The following POF1B variants were observed in gnomAD, a reference collection of about 807,000 sequenced individuals.
POF1B encodes the protein POF1B actin binding protein, also known as protein POF1B.
In POF1B, 53 loss-of-function variants were observed where a neutral mutation model predicts 55.3. The ratio of observed to expected loss-of-function variants is 0.96; its 90% confidence interval spans 0.77 to 1.20. The LOEUF is 1.20. Among genes scored for constraint, POF1B ranks in the 50% most tolerant of loss-of-function variants. The pLI is 0.00. For synonymous variants in POF1B, 188 were observed against 148.3 expected (o/e 1.27, Z -1.95); for missense variants, 478 against 420.5 (o/e 1.14, Z -1.20).
chrX:85,287,500 A>G (rs1388479745), intron 15 of POF1B, among the ~76,000 whole-genome samples: 3 of 111,565 alleles, frequency 2.7e-5, no homozygotes, highest in Non-Finnish European at 1.9e-5. Flanking sequence ...GATGAAATGC[A>G]CAAATTCTTC....
At chrX:85,372,241 G>A (rs1327742890) in intron 2 of POF1B, among the ~76,000 whole-genome samples, 1 of 108,851 alleles carries the variant, frequency 9.2e-6, no homozygotes, top group East Asian at 2.9e-4. Flanking sequence ...CTACTCAGGA[G>A]GCTGAGGCAG....
At position 85,305,848 on chromosome X, in the gene POF1B, G is replaced by A; in HGVS notation, c.1380C>T (p.Tyr460=). The stretch of plus-strand genomic sequence containing the variant: ...TTCTCAAGTTTTTTACCATCTCCGT[G>A]TAGTGGTTGCCAATCTCATCCATTT... The part of the protein sequence containing the change: ...QAKMDEIGNH[Y]TEMVKNLRME... The change falls in exon 13 of 17, where the codon TAC becomes TAT. Residue 460 remains tyrosine (Y), a synonymous_variant. Transcript: ENST00000262753. 8.3e-7 allele frequency: 1 copy of A among 1,209,701 alleles called. No homozygotes were observed. The highest frequency in any genetic ancestry group is 1.1e-6 in the Non-Finnish European group (1 of 894,023).
chrX:85,280,211 G>A (rs111841715), intron 16 of POF1B, among the ~76,000 whole-genome samples: 4,084 of 111,126 alleles, frequency 0.037, 193 homozygotes, highest in African/African-American at 0.13. Context: ...AAATATTTGA[G>A]CTTGTTCAAC....
At chrX:85,371,545 TCAG>T (rs1443130401) in intron 2 of POF1B, among the ~76,000 whole-genome samples, 1 of 111,472 alleles carries the variant, frequency 9.0e-6, no homozygotes, top group Non-Finnish European at 1.9e-5. Context: ...GAATTCCAAC[TCAG>T]CATGACTCCA....
At chrX:85,357,652 G>A (rs1369915817) in intron 4 of POF1B, among the ~76,000 whole-genome samples, 1 of 110,776 alleles carries the variant, frequency 9.0e-6, no homozygotes, top group Non-Finnish European at 1.9e-5. Flanking sequence ...CTGTTATGGT[G>A]TGTTCACATC....
intron 15 of POF1B, among the ~76,000 whole-genome samples, chrX:85,286,553 C>A (rs1932059449): frequency 9.0e-6 from 1 of 111,136 alleles, no homozygotes; most frequent in Non-Finnish European, 1.9e-5. Context: ...CCATACAATC[C>A]TTAACACTTT....
chrX:85,290,425 C>A (rs1254263075), intron 15 of POF1B, among the ~76,000 whole-genome samples: 2 of 111,307 alleles, frequency 1.8e-5, no homozygotes, highest in East Asian at 2.8e-4. Context: ...CATGCAGGTG[C>A]ATGTGTCTTT....
At chrX:85,309,792 G>C (rs755681821) in intron 9 of POF1B, among the ~76,000 whole-genome samples, 1 of 111,794 alleles carries the variant, frequency 8.9e-6, no homozygotes, top group Non-Finnish European at 1.9e-5. Context: ...CCCTTGTCAG[G>C]CTCTAGGGAG....
chrX:85,277,706 A>C lies in POF1B; in HGVS notation c.*1715T>G, dbSNP rs1265056534. 1 of 110,321 alleles carries C rather than the reference A, an allele frequency of 9.1e-6. No individual in the cohort carries two copies. The highest frequency in any genetic ancestry group is 3.3e-5 in the African/African-American group (1 of 30,467). The allele number at this position is 110,321 out of a possible 1,213,427, so 9.1% of individuals were successfully genotyped here. A position where few individuals can be genotyped will look rare whatever the true frequency, so the allele number is the denominator to read the frequency against. On this transcript the variant is annotated 3_prime_UTR_variant, in exon 17 of 17. Coordinates refer to ENST00000262753, the MANE Select transcript of POF1B (RefSeq NM_024921.4). ...TGTCTGTTTCTGGCTTATGTCACTT[A>C]ATATAGTGACCTCTAGTTCCATCCA...
chrX:85,279,170 T>A lies in POF1B; in HGVS notation c.*251A>T. ...GTGTCTGCAATCAAACTTTAAACAA[T>A]CAGGTCCCTCTTTCAGTTAGTATGT... On this transcript the variant is annotated 3_prime_UTR_variant, in exon 17 of 17. Transcript: ENST00000262753. 3.5e-6 allele frequency: 1 copy of A among 286,117 alleles called. No individual in the cohort carries two copies. Among genetic ancestry groups the A allele is most frequent in the Admixed American group, 5.7e-5 (1 of 17,422 alleles). 23.6% of individuals were successfully genotyped at this position (286,117 alleles called of 1,213,427 possible). A position where few individuals can be genotyped will look rare whatever the true frequency, so the allele number is the denominator to read the frequency against.
At chrX:85,284,537 C>A (rs1931992487) in intron 15 of POF1B, among the ~76,000 whole-genome samples, 1 of 111,632 alleles carries the variant, frequency 9.0e-6, no homozygotes, top group African/African-American at 3.3e-5. Flanking sequence ...ACAAATCTGA[C>A]AAAAACAATA....
chrX:85,284,688 A>G (rs1932000426), intron 15 of POF1B, among the ~76,000 whole-genome samples: 1 of 111,834 alleles, frequency 8.9e-6, no homozygotes, highest in African/African-American at 3.3e-5. Flanking sequence ...TGTTAGACCT[A>G]AAACCATAAA....
rs1171038262 is a variant in POF1B at position 85,314,376 on chromosome X, C to T, written c.957+56G>A. ...TCTGTTCTTAATTAAGGGAAGCAAC[C>T]TAGGAAGCTGTTTGTTAGTGTTGAT... On this transcript the variant is annotated intron_variant, in intron 9 of 16. Transcript: ENST00000262753. 4 of 943,623 alleles carry T rather than the reference C, an allele frequency of 4.2e-6. No individual in the cohort carries two copies. In the African/African-American group the frequency reaches 8.2e-5, roughly 19 times the overall value. 77.8% of individuals were successfully genotyped at this position (943,623 alleles called of 1,213,427 possible). A position where few individuals can be genotyped will look rare whatever the true frequency, so the allele number is the denominator to read the frequency against.
intron 15 of POF1B, among the ~76,000 whole-genome samples, chrX:85,288,676 A>G (rs1288176429): frequency 9.1e-6 from 1 of 110,371 alleles, no homozygotes; most frequent in Non-Finnish European, 1.9e-5. Flanking sequence ...TTCCCATGCT[A>G]TTTTCTTGAT....
chrX:85,283,529 G>T (rs1225080909), intron 15 of POF1B, among the ~76,000 whole-genome samples: 1 of 109,976 alleles, frequency 9.1e-6, no homozygotes, highest in South Asian at 3.8e-4. Flanking sequence ...AAACATAAAA[G>T]AAAACGGAAA....
chrX:85,284,587 A>C, intron 15 of POF1B, among the ~76,000 whole-genome samples: 1 of 111,941 alleles, frequency 8.9e-6, no homozygotes, highest in Admixed American at 9.5e-5. Context: ...TGGTGCTGGG[A>C]AAACTGGCTA....
intron 7 of POF1B, among the ~76,000 whole-genome samples, chrX:85,330,356 A>C (rs1280983956): frequency 9.0e-6 from 1 of 111,611 alleles, no homozygotes; most frequent in Non-Finnish European, 1.9e-5. Context: ...ATAATATGTG[A>C]CATATCAAAT....
At chrX:85,281,334 T>G (rs745692075) in intron 16 of POF1B, among the ~76,000 whole-genome samples, 2 of 110,999 alleles carry the variant, frequency 1.8e-5, no homozygotes, top group South Asian at 3.8e-4. Flanking sequence ...ATAAGGGACT[T>G]GAGCATCTAC....
chrX:85,288,214 A>C (rs766317234), intron 15 of POF1B, among the ~76,000 whole-genome samples: 23 of 111,818 alleles, frequency 2.1e-4, no homozygotes, highest in Non-Finnish European at 4.1e-4. Flanking sequence ...TATTTGAGCC[A>C]TGACCTGCTT....
Sources: allele counts gnomAD v4.1 joint callset (sites outside exome capture counted in the v4.1 genomes callset), GRCh38; gene constraint gnomAD v4.1.1; transcripts MANE v1.5; gene names NCBI Gene and HGNC (gene_info 2026-07-23, HGNC 2026-07-21).